Variants in SPIRE1 observed in about 807,000 individuals in gnomAD.
SPIRE1 encodes protein spire homolog 1.
Under a neutral mutation model 94.1 loss-of-function variants are expected in SPIRE1, and 40 were observed. That is an observed-to-expected ratio of 0.43 (90% CI 0.33 to 0.55). SPIRE1 has a LOEUF of 0.55. SPIRE1 is among the 20% of genes least tolerant of loss of function. The probability of loss-of-function intolerance (pLI) is 0.06; values close to 1 mark genes in which losing one functional copy is unlikely to be tolerated. For missense variants in SPIRE1, 838 were observed against 975.2 expected, an observed-to-expected ratio of 0.86 and a Z score of 1.87; for synonymous variants, 376 against 371.7, an observed-to-expected ratio of 1.01 and a Z score of -0.13.
intron 2 of SPIRE1, among the ~76,000 whole-genome samples, chr18:12,568,500 T>C (rs1394800308): frequency 6.6e-6 from 1 of 152,210 alleles, no homozygotes; most frequent in African/African-American, 2.4e-5. Context: ...TCCTCTATGA[T>C]GCCTTGGTAT....
intron 2 of SPIRE1, among the ~76,000 whole-genome samples, chr18:12,607,322 T>C (rs2037007236): frequency 1.3e-5 from 2 of 152,212 alleles, no homozygotes; most frequent in Admixed American, 1.3e-4. Context: ...TCAATTCCAG[T>C]TTGATTCTCT....
intron 2 of SPIRE1, among the ~76,000 whole-genome samples, chr18:12,574,420 T>C (rs1245667832): frequency 6.6e-6 from 1 of 151,750 alleles, no homozygotes; most frequent in Non-Finnish European, 1.5e-5. Flanking sequence ...CTTTAGGAGG[T>C]AGAATGGACA....
intron 2 of SPIRE1, among the ~76,000 whole-genome samples, chr18:12,605,525 T>TTA (rs1462108366): frequency 1.3e-5 from 2 of 151,932 alleles, no homozygotes; most frequent in Non-Finnish European, 2.9e-5. Flanking sequence ...AAAATTAAAA[T>TTA]AAAATAAAGA....
intron 10 of SPIRE1, among the ~76,000 whole-genome samples, chr18:12,468,665 GCATAACT>G (rs1220869594): frequency 3.3e-5 from 5 of 152,162 alleles, no homozygotes; most frequent in Non-Finnish European, 5.9e-5. Flanking sequence ...GAACCTGGGT[GCATAACT>G]CAGCATTTCT....
In SPIRE1 at chr18:12,646,430, C is replaced by T. The variant is rs559465665; in HGVS notation, c.337+11100G>A. ...TGCAGTTTATCCCTCTTTGTATCGTCAACATCTGGCACAGTGCACTTAGAA... is the reference window on the plus strand; with the variant it reads ...TGCAGTTTATCCCTCTTTGTATCGTTAACATCTGGCACAGTGCACTTAGAA... On this transcript the variant is annotated intron_variant, in intron 1 of 16. Transcript: ENST00000409402. Among the ~76,000 whole-genome samples the T allele has an allele frequency of 5.9e-5, 9 of 152,262 alleles. No homozygotes were observed. The East Asian group carries it at 1.7e-3, about 29-fold the overall frequency.
chr18:12,608,893 G>A (rs1432637739), intron 2 of SPIRE1, among the ~76,000 whole-genome samples: 3 of 152,160 alleles, frequency 2.0e-5, no homozygotes, highest in Non-Finnish European at 2.9e-5. Context: ...AGGATTACTA[G>A]TAGAACTCCA....
At chr18:12,482,782 A>C (rs1466714718) in intron 9 of SPIRE1, among the ~76,000 whole-genome samples, 1 of 152,174 alleles carries the variant, frequency 6.6e-6, no homozygotes, top group Non-Finnish European at 1.5e-5. Context: ...TAGCTAATTG[A>C]CTGAGACTAC....
At position 12,559,740 on chromosome 18, in the gene SPIRE1, A is replaced by C. The variant is rs1364320641; in HGVS notation, c.373-12836T>G. On this transcript the variant is annotated intron_variant, in intron 2 of 16. Transcript: ENST00000409402. The surrounding 1 kb of genome is among the most constrained non-coding windows in gnomAD (Gnocchi z 4.7). ...ACAGGCACAGGGAACCAAAGCAAAA[A>C]TTGACAAATGGGATCACATGAAGTT... is the stretch of plus-strand genomic sequence containing the variant. 2.0e-5 allele frequency among the ~76,000 whole-genome samples: 3 copies of C among 152,232 alleles called. No individual in the cohort carries two copies. The highest frequency in any genetic ancestry group is 2.9e-5 in the Non-Finnish European group (2 of 68,034).
chr18:12,525,065 A>G (rs1598435463), intron 4 of SPIRE1, among the ~76,000 whole-genome samples: 1 of 151,966 alleles, frequency 6.6e-6, no homozygotes, highest in East Asian at 1.9e-4. Flanking sequence ...TCATGAGGTC[A>G]GGAGATCGAA....
At chr18:12,514,411 T>C (rs933773034) in intron 4 of SPIRE1, among the ~76,000 whole-genome samples, 13 of 152,224 alleles carry the variant, frequency 8.5e-5, no homozygotes, top group Non-Finnish European at 1.6e-4. Context: ...ATATGTTTAC[T>C]GTCTACCACC....
At chr18:12,451,036 G>A in intron 16 of SPIRE1, 4 of 502,266 alleles carry the variant, frequency 8.0e-6, no homozygotes, top group Non-Finnish European at 1.4e-5. Flanking sequence ...GGGAGGAGGA[G>A]GAGGAGGAGG....
chr18:12,548,964 A>C (rs1335867021), intron 2 of SPIRE1, among the ~76,000 whole-genome samples: 2 of 152,178 alleles, frequency 1.3e-5, no homozygotes, highest in Non-Finnish European at 2.9e-5. Context: ...GTTCCAAGGC[A>C]ATTGACTACT....
chr18:12,476,580 TATATATATACACACAC>T (rs1303108212), intron 10 of SPIRE1, among the ~76,000 whole-genome samples: 1 of 127,094 alleles, frequency 7.9e-6, no homozygotes, highest in Non-Finnish European at 1.6e-5. Context: ...TATATATATA[TATATATATACACACAC>T]ACACACACAC....
At chr18:12,574,482 C>A (rs1567943524) in intron 2 of SPIRE1, among the ~76,000 whole-genome samples, 2 of 152,166 alleles carry the variant, frequency 1.3e-5, no homozygotes, top group Admixed American at 1.3e-4. Context: ...TCCTGGGTTT[C>A]TAGCTTGAGC....
chr18:12,544,920 T>C (rs1251018535), intron 3 of SPIRE1, among the ~76,000 whole-genome samples: 1 of 152,222 alleles, frequency 6.6e-6, no homozygotes, highest in Non-Finnish European at 1.5e-5. Context: ...GTTGATTTTA[T>C]GGATCTAGTT....
intron 2 of SPIRE1, among the ~76,000 whole-genome samples, chr18:12,575,783 T>C (rs1444952217): frequency 3.3e-5 from 5 of 152,220 alleles, no homozygotes. Context: ...AATGGAGAAA[T>C]ATACCAAATT....
At chr18:12,595,354 T>C (rs971112018) in intron 2 of SPIRE1, among the ~76,000 whole-genome samples, 5 of 152,132 alleles carry the variant, frequency 3.3e-5, no homozygotes, top group Non-Finnish European at 5.9e-5. Flanking sequence ...ATAAAATATG[T>C]ATTAACTGTT....
At chr18:12,601,962 C>A (rs1462880737) in intron 2 of SPIRE1, among the ~76,000 whole-genome samples, 2 of 152,120 alleles carry the variant, frequency 1.3e-5, no homozygotes, top group African/African-American at 4.8e-5. Flanking sequence ...GCCCTGGTTA[C>A]TGGTAGTGGG....
intron 12 of SPIRE1, among the ~76,000 whole-genome samples, chr18:12,461,636 T>C (rs893087160): frequency 9.8e-6 from 1 of 101,658 alleles, no homozygotes; most frequent in African/African-American, 2.9e-5. Flanking sequence ...TGTGTGTATA[T>C]ATATTTTTAG....
Sources: gnomAD v4.1 joint callset for allele counts (sites outside exome capture counted in the v4.1 genomes callset) on GRCh38, gnomAD v4.1.1 for gene constraint, Gnocchi (gnomAD v3.1) non-coding constraint, MANE v1.5 for transcripts, NCBI Gene and HGNC (gene_info 2026-07-23, HGNC 2026-07-21) for gene names.